The following TRPC4AP variants were observed in gnomAD, a reference collection of about 807,000 sequenced individuals.
TRPC4AP encodes the protein short transient receptor potential channel 4-associated protein.
TRPC4AP carries 45 observed loss-of-function variants against 99.0 expected under a neutral mutation model. The ratio of observed to expected loss-of-function variants is 0.45; its 90% CI spans 0.36 to 0.58. The LOEUF (loss-of-function observed/expected upper bound fraction) is 0.58. TRPC4AP is among the 20% of genes least tolerant of loss of function. The pLI is 0.00. For synonymous variants in TRPC4AP, 408 were observed against 385.8 expected (o/e 1.06, Z -0.67); for missense variants, 879 against 985.3 (o/e 0.89, Z 1.44).
chr20:35,005,669 G>A, intron 16 of TRPC4AP, 26 bp downstream of exon 16: 1 of 1,603,444 alleles, frequency 6.2e-7, no homozygotes, highest in Non-Finnish European at 8.5e-7. Flanking sequence ...TGCATGACTT[G>A]CCTTGACAGC....
At chr20:35,038,712 A>T (rs1305295017) in intron 7 of TRPC4AP, among the ~76,000 whole-genome samples, 1 of 152,204 alleles carries the variant, frequency 6.6e-6, no homozygotes, top group African/African-American at 2.4e-5. Flanking sequence ...AGGGAGGGGA[A>T]CAAACTCTCT....
intron 3 of TRPC4AP, among the ~76,000 whole-genome samples, chr20:35,060,770 G>T (rs1317541207): frequency 6.6e-6 from 1 of 151,576 alleles, no homozygotes; most frequent in Non-Finnish European, 1.5e-5. Flanking sequence ...TGCAGAAAAA[G>T]CGTTTGGAAA....
At chr20:35,047,247 T>C (rs536811905) in intron 6 of TRPC4AP, among the ~76,000 whole-genome samples, 5 of 152,312 alleles carry the variant, frequency 3.3e-5, no homozygotes, top group African/African-American at 1.2e-4. Flanking sequence ...TGTGTGTGCC[T>C]TTCCTATTGC....
At chr20:35,087,338 C>CAAA (rs11483432) in intron 1 of TRPC4AP, among the ~76,000 whole-genome samples, 5 of 111,534 alleles carry the variant, frequency 4.5e-5, no homozygotes, top group Admixed American at 1.9e-4. Flanking sequence ...GACTCCATCT[C>CAAA]AAAAAAAAAA....
chr20:35,084,941 G>A (rs2084796055), intron 1 of TRPC4AP, among the ~76,000 whole-genome samples: 1 of 152,156 alleles, frequency 6.6e-6, no homozygotes, highest in African/African-American at 2.4e-5. Context: ...AGCCAAAGCT[G>A]TGATATAACT....
chr20:35,087,463 C>G (rs1411983001), intron 1 of TRPC4AP, among the ~76,000 whole-genome samples: 1 of 152,076 alleles, frequency 6.6e-6, no homozygotes, highest in East Asian at 1.9e-4. Context: ...ATAACAGCAT[C>G]CCACAACCCA....
chr20:35,039,296 T>C (rs1281090297), intron 7 of TRPC4AP, among the ~76,000 whole-genome samples: 1 of 152,158 alleles, frequency 6.6e-6, no homozygotes, highest in Non-Finnish European at 1.5e-5. Flanking sequence ...TACTCAGGGT[T>C]CTAAGTCTGA....
intron 6 of TRPC4AP, among the ~76,000 whole-genome samples, chr20:35,045,265 AATG>A (rs1161440806): frequency 2.0e-5 from 3 of 152,192 alleles, no homozygotes; most frequent in Non-Finnish European, 4.4e-5. Context: ...GCACAGTGTG[AATG>A]ATACCATACT....
At chr20:35,088,644 T>A (rs2084953676) in intron 1 of TRPC4AP, among the ~76,000 whole-genome samples, 1 of 152,204 alleles carries the variant, frequency 6.6e-6, no homozygotes. Context: ...ATAGATGTTA[T>A]CATCACCTCT....
At chr20:35,085,585 T>A (rs1050198828) in intron 1 of TRPC4AP, among the ~76,000 whole-genome samples, 3 of 144,022 alleles carry the variant, frequency 2.1e-5, no homozygotes, top group Non-Finnish European at 3.0e-5. Context: ...CACTCCAGCC[T>A]GGGCAACAGA....
chr20:35,086,431 A>ATGTGTGTGTGTGTGTGTGTG (rs150231202), intron 1 of TRPC4AP, among the ~76,000 whole-genome samples: 1 of 109,470 alleles, frequency 9.1e-6, no homozygotes, highest in Non-Finnish European at 1.9e-5. Flanking sequence ...TGAATGGCAT[A>ATGTGTGTGTGTGTGTGTGTG]TGTGTGTGTG....
intron 7 of TRPC4AP, among the ~76,000 whole-genome samples, chr20:35,038,829 T>C (rs1384424735): frequency 1.3e-5 from 2 of 152,188 alleles, no homozygotes; most frequent in African/African-American, 2.4e-5. Flanking sequence ...TCCCAGCACT[T>C]TGGGAGGCCG....
intron 11 of TRPC4AP, among the ~76,000 whole-genome samples, chr20:35,011,898 C>T (rs937820163): frequency 1.2e-4 from 18 of 152,216 alleles, no homozygotes; most frequent in Non-Finnish European, 2.9e-5. Flanking sequence ...AGACCCCGTT[C>T]CTCTCCTCCT....
At chr20:35,092,223 T>C (rs2085089214) in intron 1 of TRPC4AP, among the ~76,000 whole-genome samples, 1 of 151,750 alleles carries the variant, frequency 6.6e-6, no homozygotes, top group Non-Finnish European at 1.5e-5. Context: ...GGGAACCATT[T>C]GGGGGCTGCA....
At chr20:35,081,447 G>A (rs543589159) in intron 1 of TRPC4AP, among the ~76,000 whole-genome samples, 49 of 151,962 alleles carry the variant, frequency 3.2e-4, no homozygotes, top group Admixed American at 6.6e-4. Flanking sequence ...CTAGGAGGCC[G>A]AGACTGCAGT....
chr20:35,035,418 T>C (rs1434419557), intron 7 of TRPC4AP, 110 bp from the exon 8 acceptor site: 1 of 1,120,474 alleles, frequency 8.9e-7, no homozygotes, highest in Non-Finnish European at 1.2e-6. Context: ...ACTCTGATAG[T>C]AGCTAAAGCT....
intron 3 of TRPC4AP, among the ~76,000 whole-genome samples, chr20:35,057,882 T>C (rs1442312360): frequency 6.6e-6 from 1 of 152,238 alleles, no homozygotes; most frequent in Non-Finnish European, 1.5e-5. Context: ...AGAACATTAT[T>C]ACTATGATTC....
At chr20:35,088,397 G>C (rs1264772038) in intron 1 of TRPC4AP, among the ~76,000 whole-genome samples, 3 of 152,212 alleles carry the variant, frequency 2.0e-5, no homozygotes. Context: ...AGTACAGACA[G>C]AAATTAGACT....
At chr20:35,024,854 A>AAAAAACAAACAT (rs1479270980) in intron 8 of TRPC4AP, among the ~76,000 whole-genome samples, 1 of 89,480 alleles carries the variant, frequency 1.1e-5, no homozygotes, top group Non-Finnish European at 2.3e-5. Flanking sequence ...AAAAAAAAAA[A>AAAAAACAAACAT]ATTCTGTTTA....
Sources: gnomAD v4.1 joint callset for allele counts (sites outside exome capture counted in the v4.1 genomes callset) on GRCh38, gnomAD v4.1.1 for gene constraint, MANE v1.5 for transcripts, NCBI Gene and HGNC (gene_info 2026-07-23, HGNC 2026-07-21) for gene names.